RORA: variants seen among roughly 807,000 people sequenced by gnomAD.
The protein encoded by RORA is nuclear receptor ROR-alpha.
A neutral mutation model predicts 69.5 loss-of-function variants in RORA; 7 were observed. The ratio of observed to expected loss-of-function variants is 0.10; its 90% CI spans 0.06 to 0.19. The LOEUF (loss-of-function observed/expected upper bound fraction) is 0.19, where lower values mean the gene tolerates loss of function less well. Among genes scored for constraint, RORA ranks in the 10% least tolerant of loss-of-function variants. The pLI, the probability that RORA is intolerant of heterozygous loss-of-function variation, is 1.00. For synonymous variants in RORA, 261 were observed against 240.8 expected, an observed-to-expected ratio of 1.08 and a Z score of -0.78; for missense variants, 457 against 663.0, an observed-to-expected ratio of 0.69 and a Z score of 3.41.
chr15:61,093,695 T>C (rs2078745305), intron 1 of RORA, among the ~76,000 whole-genome samples: 1 of 152,172 alleles, frequency 6.6e-6, no homozygotes, highest in African/African-American at 2.4e-5. Context: ...CCTTTGGAAG[T>C]GGTGGTGTGG....
intron 2 of RORA, chr15:60,558,384 A>C: frequency 1.1e-6 from 1 of 871,692 alleles, no homozygotes; most frequent in East Asian, 2.6e-5. Context: ...TGTTTATTAC[A>C]AAACAGGAAC....
At chr15:61,071,220 G>A (rs1359900088) in intron 1 of RORA, among the ~76,000 whole-genome samples, 2 of 58,422 alleles carry the variant, frequency 3.4e-5, no homozygotes, top group Non-Finnish European at 3.2e-5. Flanking sequence ...AAAAAGGGGA[G>A]GGGAAGGGAA....
chr15:61,219,465 T>C (rs1034053180), intron 1 of RORA, among the ~76,000 whole-genome samples: 1 of 152,050 alleles, frequency 6.6e-6, no homozygotes, highest in African/African-American at 2.4e-5. Context: ...GTTCCAGCTA[T>C]TCGGGAGGCT....
chr15:61,032,372 T>A (rs983857296), intron 1 of RORA, among the ~76,000 whole-genome samples: 1 of 152,192 alleles, frequency 6.6e-6, no homozygotes, highest in African/African-American at 2.4e-5. Context: ...CTTCTGGGCA[T>A]GAGACTGAGT....
chr15:60,760,425 C>T (rs921164367), intron 1 of RORA, among the ~76,000 whole-genome samples: 4 of 152,034 alleles, frequency 2.6e-5, no homozygotes, highest in African/African-American at 9.7e-5. Context: ...CCCAGATCAC[C>T]CCAATATTAT....
intron 5 of RORA, among the ~76,000 whole-genome samples, chr15:60,506,380 C>A (rs1251777884): frequency 1.3e-5 from 2 of 152,170 alleles, no homozygotes; most frequent in African/African-American, 4.8e-5. Context: ...TATTATTATA[C>A]TTGAGCATAA....
At chr15:61,168,843 G>C (rs1301586073) in intron 1 of RORA, among the ~76,000 whole-genome samples, 1 of 152,094 alleles carries the variant, frequency 6.6e-6, no homozygotes, top group Non-Finnish European at 1.5e-5. Context: ...AGCCCAAGCT[G>C]CATGGGTGTA....
chr15:60,519,372 CAGAGGCTT>C (rs1334867809), intron 3 of RORA, among the ~76,000 whole-genome samples: 1 of 152,142 alleles, frequency 6.6e-6, no homozygotes, highest in Admixed American at 6.6e-5. Flanking sequence ...GCTGAAAAAA[CAGAGGCTT>C]AGAGAGGTGT....
intron 2 of RORA, among the ~76,000 whole-genome samples, chr15:60,665,134 C>G (rs533051911): frequency 1.3e-5 from 2 of 152,292 alleles, no homozygotes; most frequent in South Asian, 4.1e-4. Context: ...CAGAATTTAC[C>G]TTAAAATTCA....
intron 2 of RORA, among the ~76,000 whole-genome samples, chr15:60,640,145 G>A (rs945629720): frequency 2.0e-5 from 3 of 152,180 alleles, no homozygotes; most frequent in African/African-American, 7.2e-5. Flanking sequence ...TCCTCTCGCA[G>A]CATCACTAGG....
In RORA at chr15:60,982,717, C is replaced by T. The variant is rs572572374; in HGVS notation, c.166+246336G>A. Among the ~76,000 whole-genome samples the T allele has an allele frequency of 4.6e-5, 7 of 152,222 alleles. No individual in the cohort carries two copies. The South Asian group carries it at 1.2e-3, about 27-fold the overall frequency. On this transcript the variant is annotated intron_variant, in intron 1 of 10. Transcript: ENST00000335670. ...GATAAGTTAAGACACCACAGTTTTG[C>T]TTTTTTCATTAAGAATTGACTAAGG...
At chr15:60,913,157 C>T (rs1444022958) in intron 1 of RORA, among the ~76,000 whole-genome samples, 1 of 152,170 alleles carries the variant, frequency 6.6e-6, no homozygotes, top group Non-Finnish European at 1.5e-5. Flanking sequence ...CTTCCTCTTT[C>T]CCTGGCTTCT....
intron 1 of RORA, among the ~76,000 whole-genome samples, chr15:60,764,366 C>G (rs1326267844): frequency 6.6e-6 from 1 of 151,998 alleles, no homozygotes; most frequent in Non-Finnish European, 1.5e-5. Context: ...ATTTTACTAT[C>G]AGTAAAATAA....
Position 60,534,093 on chromosome 15 carries a change from T to C in RORA, c.197-2242A>G, listed in dbSNP as rs1186809221. On this transcript the variant is annotated intron_variant, in intron 2 of 10. Coordinates refer to ENST00000335670, the MANE Select transcript of RORA (RefSeq NM_134261.3). This position sits in a 1 kb window ranked among gnomAD's most constrained non-coding sequence, Gnocchi z 5.0. ...GCATCTGGACAAACTGAAAATGATA[T>C]GCAGTATTCCTGTACAGTCGGCCTG... Among the ~76,000 whole-genome samples, 5 of 152,242 alleles carry C rather than the reference T, an allele frequency of 3.3e-5. No homozygotes were observed. The highest frequency in any genetic ancestry group is 1.2e-4 in the African/African-American group (5 of 41,456).
intron 1 of RORA, among the ~76,000 whole-genome samples, chr15:60,838,256 A>G (rs2073145303): frequency 6.6e-6 from 1 of 151,642 alleles, no homozygotes; most frequent in South Asian, 2.1e-4. Context: ...CAACCCTAGA[A>G]AACAGGTGTA....
chr15:60,937,965 T>C (rs1454155394), intron 1 of RORA, among the ~76,000 whole-genome samples: 6 of 152,156 alleles, frequency 3.9e-5, no homozygotes, highest in Admixed American at 2.6e-4. Flanking sequence ...AGGAACCTCA[T>C]GAGGTGGATC....
At chr15:60,945,954 C>T (rs567662806) in intron 1 of RORA, among the ~76,000 whole-genome samples, 1 of 152,292 alleles carries the variant, frequency 6.6e-6, no homozygotes, top group East Asian at 1.9e-4. Context: ...GGCAGACTGA[C>T]GAGTCAGGAA....
chr15:61,107,084 G>C (rs573374417), intron 1 of RORA, among the ~76,000 whole-genome samples: 6 of 152,174 alleles, frequency 3.9e-5, no homozygotes, highest in Non-Finnish European at 8.8e-5. Context: ...GCTGGAGTGG[G>C]AGTATATTTA....
At chr15:60,592,819 G>C (rs1255573659) in intron 2 of RORA, 1 of 570,746 alleles carries the variant, frequency 1.8e-6, no homozygotes, top group African/African-American at 1.9e-5. Flanking sequence ...TGTGGCCGCC[G>C]GTCGCTTTTC....
Sources: allele counts gnomAD v4.1 joint callset (sites outside exome capture counted in the v4.1 genomes callset), GRCh38; gene constraint gnomAD v4.1.1; non-coding constraint Gnocchi (gnomAD v3.1); transcripts MANE v1.5; gene names NCBI Gene and HGNC (gene_info 2026-07-23, HGNC 2026-07-21).